The following NEGR1 variants were observed in gnomAD, a reference collection of about 807,000 sequenced individuals.
The protein encoded by NEGR1 is IgLON family member 4.
In NEGR1, 10 loss-of-function variants were observed where a neutral mutation model predicts 40.9. The ratio of observed to expected loss-of-function variants is 0.24; its 90% CI spans 0.15 to 0.42. The LOEUF (loss-of-function observed/expected upper bound fraction) is 0.42. Among genes scored for constraint, NEGR1 ranks in the 10% least tolerant of loss-of-function variants. The pLI is 1.00. For synonymous variants in NEGR1, 185 were observed against 166.8 expected (o/e 1.11, Z -0.84); for missense variants, 352 against 438.9 (o/e 0.80, Z 1.77).
intron 2 of NEGR1, among the ~76,000 whole-genome samples, chr1:71,883,297 T>C (rs1660630334): frequency 6.6e-6 from 1 of 152,090 alleles, no homozygotes; most frequent in Non-Finnish European, 1.5e-5. Flanking sequence ...CTTCAATAAT[T>C]TCCTCTAGAT....
intron 1 of NEGR1, among the ~76,000 whole-genome samples, chr1:72,085,651 G>A (rs545747390): frequency 1.3e-5 from 2 of 151,856 alleles, no homozygotes; most frequent in African/African-American, 4.8e-5. Context: ...TTAGTATTTC[G>A]CTCTTAAAAT....
intron 1 of NEGR1, among the ~76,000 whole-genome samples, chr1:72,096,564 T>C (rs1386709123): frequency 6.6e-6 from 1 of 152,140 alleles, no homozygotes; most frequent in African/African-American, 2.4e-5. Context: ...TACACTTTCA[T>C]ACATTTTTAT....
intron 2 of NEGR1, among the ~76,000 whole-genome samples, chr1:71,833,730 T>C (rs912192140): frequency 1.3e-5 from 2 of 152,078 alleles, no homozygotes; most frequent in Non-Finnish European, 2.9e-5. Flanking sequence ...GTGTTTTCTA[T>C]AGAGTGAGCT....
At chr1:71,772,723 T>C (rs569211063) in intron 3 of NEGR1, among the ~76,000 whole-genome samples, 1 of 151,980 alleles carries the variant, frequency 6.6e-6, no homozygotes, top group Non-Finnish European at 1.5e-5. Context: ...TATCTAGAGA[T>C]AAAAAACACC....
chr1:72,203,514 A>G (rs1253404053), intron 1 of NEGR1, among the ~76,000 whole-genome samples: 2 of 152,130 alleles, frequency 1.3e-5, no homozygotes, highest in Non-Finnish European at 2.9e-5. Flanking sequence ...TGGTTTCTTG[A>G]GATGGAATCT....
chr1:71,458,049 C>G (rs1259617105), intron 6 of NEGR1, among the ~76,000 whole-genome samples: 1 of 152,100 alleles, frequency 6.6e-6, no homozygotes, highest in Admixed American at 6.5e-5. Flanking sequence ...AGTTATGTCT[C>G]TAAAAAAATC....
intron 1 of NEGR1, among the ~76,000 whole-genome samples, chr1:71,949,490 A>C (rs1646050472): frequency 6.6e-6 from 1 of 152,158 alleles, no homozygotes; most frequent in Non-Finnish European, 1.5e-5. Flanking sequence ...TGGTACTTAA[A>C]AAATAGTTTT....
At chr1:71,504,289 G>A (rs973268849) in intron 6 of NEGR1, among the ~76,000 whole-genome samples, 12 of 151,784 alleles carry the variant, frequency 7.9e-5, no homozygotes, top group Admixed American at 3.3e-4. Flanking sequence ...AAGCTCAGTC[G>A]GTCTTTGCAA....
chr1:72,271,565 C>G lies in NEGR1; in HGVS notation c.176+10754G>C, dbSNP rs1250773297. Among the ~76,000 whole-genome samples, 3 of 151,940 alleles carry G rather than the reference C, an allele frequency of 2.0e-5. No individual in the cohort carries two copies. The East Asian group carries it at 5.8e-4, about 29-fold the overall frequency. On this transcript the variant is annotated intron_variant, in intron 1 of 6. Transcript: ENST00000357731. ...GCAGGCCAAGGTATAAAGCTGCTAT[C>G]TATGTTCTAAAATAAATATAGACTA...
chr1:71,739,163 A>G (rs1487831987), intron 3 of NEGR1, among the ~76,000 whole-genome samples: 2 of 150,482 alleles, frequency 1.3e-5, no homozygotes, highest in African/African-American at 4.9e-5. Flanking sequence ...GATACCATCT[A>G]ATCAGCTGCC....
rs558623336 is a variant in NEGR1 at position 71,850,319 on chromosome 1, C to A, written c.410-74022G>T. ...TGTAGGCATGAGCCATCATGCCCGG[C>A]AAATATTTATATTTTTGTTAGAGAT... On this transcript the variant is annotated intron_variant, in intron 2 of 6. Coordinates refer to ENST00000357731, the MANE Select transcript of NEGR1 (RefSeq NM_173808.3). Among the ~76,000 whole-genome samples, 24 of 152,050 alleles carry A rather than the reference C, an allele frequency of 1.6e-4. No homozygotes were observed. The South Asian group carries it at 5.0e-3, about 32-fold the overall frequency.
chr1:71,701,335 G>A lies in NEGR1; in HGVS notation c.536-3196C>T, dbSNP rs532977976. ...CAGCAGTGAAGTCTTCATTTTCTTGGTGGCTGTTAGCTTACAGCCATTTCC... is the reference window on the plus strand; with the variant it reads ...CAGCAGTGAAGTCTTCATTTTCTTGATGGCTGTTAGCTTACAGCCATTTCC... On this transcript the variant is annotated intron_variant, in intron 3 of 6. Coordinates refer to ENST00000357731, the MANE Select transcript of NEGR1 (RefSeq NM_173808.3). 1.9e-3 allele frequency among the ~76,000 whole-genome samples: 282 copies of A among 152,026 alleles called. 2 individuals carry two copies. The highest frequency in any genetic ancestry group is 6.6e-3 in the African/African-American group (275 of 41,498).
chr1:71,461,730 T>G (rs1389631260), intron 6 of NEGR1: 1 of 152,180 alleles, frequency 6.6e-6, no homozygotes, highest in Non-Finnish European at 1.5e-5. Context: ...AGAAGATGGA[T>G]TTTTAGCTTG....
At chr1:71,502,064 G>A (rs1040513859) in intron 6 of NEGR1, among the ~76,000 whole-genome samples, 3 of 152,088 alleles carry the variant, frequency 2.0e-5, no homozygotes, top group African/African-American at 2.4e-5. Flanking sequence ...TGGTTATTTG[G>A]TCATGTAAGA....
intron 6 of NEGR1, among the ~76,000 whole-genome samples, chr1:71,415,677 A>G (rs1220254062): frequency 6.6e-6 from 1 of 152,132 alleles, no homozygotes; most frequent in African/African-American, 2.4e-5. Flanking sequence ...AGAAGTCTCA[A>G]AGCTTGAATT....
At chr1:71,660,430 C>T (rs1346160804) in intron 4 of NEGR1, among the ~76,000 whole-genome samples, 2 of 151,858 alleles carry the variant, frequency 1.3e-5, no homozygotes, top group African/African-American at 4.8e-5. Context: ...CCCTGTGACA[C>T]GTGTTTACCT....
intron 1 of NEGR1, among the ~76,000 whole-genome samples, chr1:72,092,003 A>G (rs1648518083): frequency 6.6e-6 from 1 of 152,122 alleles, no homozygotes; most frequent in African/African-American, 2.4e-5. Flanking sequence ...CTTATCTCCA[A>G]ATACAATCAC....
At chr1:72,241,333 G>C (rs1323067327) in intron 1 of NEGR1, among the ~76,000 whole-genome samples, 1 of 149,678 alleles carries the variant, frequency 6.7e-6, no homozygotes, top group Non-Finnish European at 1.5e-5. Context: ...GAAGGGTCCA[G>C]ATTTGTGGAT....
At chr1:72,260,527 A>G (rs1655420856) in intron 1 of NEGR1, among the ~76,000 whole-genome samples, 1 of 152,114 alleles carries the variant, frequency 6.6e-6, no homozygotes, top group Admixed American at 6.5e-5. Context: ...ACATAGGGTT[A>G]AGCACTTTGT....
Sources: allele counts gnomAD v4.1 joint callset (sites outside exome capture counted in the v4.1 genomes callset), GRCh38; gene constraint gnomAD v4.1.1; transcripts MANE v1.5; gene names NCBI Gene and HGNC (gene_info 2026-07-23, HGNC 2026-07-21).